Variants in KLC4 observed in about 807,000 individuals in gnomAD.
The protein encoded by KLC4 is kinesin-like protein 8.
A neutral mutation model predicts 77.2 loss-of-function variants in KLC4; 49 were observed. That is an observed-to-expected ratio of 0.63 (90% CI 0.50 to 0.80). The LOEUF is 0.80. Among genes scored for constraint, KLC4 ranks in the 30% least tolerant of loss-of-function variants. The pLI, the probability that KLC4 is intolerant of heterozygous loss-of-function variation, is 0.00. For missense variants in KLC4, 669 were observed against 793.5 expected (o/e 0.84, Z 1.89); for synonymous variants, 274 against 314.5 (o/e 0.87, Z 1.36).
chr6:43,074,695 T>G lies in KLC4; in HGVS notation c.*23T>G. The G allele has an allele frequency of 6.2e-7, 1 of 1,607,832 alleles. No individual in the cohort carries two copies. ...TGACATTCAACCCGGCCCCCAGGTCTGCTGGGTCCCCCCACCCCCACAGCC... is the reference window on the plus strand; with the variant it reads ...TGACATTCAACCCGGCCCCCAGGTCGGCTGGGTCCCCCCACCCCCACAGCC... On this transcript the variant is annotated 3_prime_UTR_variant, in exon 16 of 16. Transcript: ENST00000347162.
intron 3 of KLC4, among the ~76,000 whole-genome samples, chr6:43,064,686 A>T (rs976344219): frequency 6.6e-6 from 1 of 152,210 alleles, no homozygotes; most frequent in Non-Finnish European, 1.5e-5. Flanking sequence ...GGTGTCATTG[A>T]TAAGGCTTAC....
At chr6:43,060,022 A>C in intron 1 of KLC4, 3 of 1,416,172 alleles carry the variant, frequency 2.1e-6, no homozygotes, top group Non-Finnish European at 9.2e-7. Context: ...GGGCAGGTCG[A>C]CAGCCCGAGG....
rs1030749077 is a variant in KLC4, at chr6:43,072,389, G to C, written c.1488+134G>C. ...CCAGGAGGGAGAGGAAAGTGAGGCA[G>C]TGTTGTGATTGTGGTTGTTTTTAAG... On this transcript the variant is annotated intron_variant, in intron 12 of 15. Transcript: ENST00000347162. 13 of 669,802 alleles carry C rather than the reference G, an allele frequency of 1.9e-5. No homozygotes were observed. The East Asian group carries it at 3.3e-4, about 17-fold the overall frequency. 41.5% of individuals were successfully genotyped at this position (669,802 alleles called of 1,614,324 possible).
chr6:43,061,210 T>TA, intron 1 of KLC4, 101 bp from the exon 2 acceptor site: 1 of 1,266,390 alleles, frequency 7.9e-7, no homozygotes, highest in South Asian at 1.4e-5. Flanking sequence ...GGGTCACTCT[T>TA]ACTTTTGTCC....
In KLC4 at chr6:43,066,365, T is replaced by C. The variant is rs949456426; in HGVS notation, c.631T>C (p.Leu211=). ...QQGGYEIPAR[L]RTLHNLVIQY... is the part of the protein sequence containing the mutation. ...GGGTGGATATGAGATCCCAGCAAGG[T>C]TGCGGACGTTGCACAACCTGGTGAT... is the stretch of plus-strand genomic sequence containing the variant. Residue 211 remains leucine, a synonymous_variant, in exon 5 of 16, where the codon TTG becomes CTG. Transcript: ENST00000347162. 3.7e-6 allele frequency: 6 copies of C among 1,614,010 alleles called. No individual in the cohort carries two copies. The highest frequency in any genetic ancestry group is 1.7e-5 in the Admixed American group (1 of 59,994).
intron 6 of KLC4, among the ~76,000 whole-genome samples, chr6:43,068,332 C>T (rs1230106534): frequency 1.3e-5 from 2 of 149,812 alleles, no homozygotes; most frequent in East Asian, 2.0e-4. Flanking sequence ...ATTAGCCGGG[C>T]GTGGTGGGGG....
intron 2 of KLC4, 110 bp from the exon 3 acceptor site, chr6:43,062,807 T>C: frequency 2.5e-6 from 2 of 802,504 alleles, no homozygotes; most frequent in South Asian, 3.2e-5. Context: ...CCCCACCTTC[T>C]GGCTCCTCTG....
intron 1 of KLC4, chr6:43,059,994 T>A: frequency 2.2e-6 from 3 of 1,340,728 alleles, no homozygotes; most frequent in African/African-American, 1.5e-5. Context: ...CATCTCACTC[T>A]CCCAACCCTG....
chr6:43,061,005 A>T, intron 1 of KLC4: 1 of 335,438 alleles, frequency 3.0e-6, no homozygotes, highest in Admixed American at 4.5e-5. Flanking sequence ...TTCCTAACTC[A>T]GGCTGTAACT....
chr6:43,074,708 C>G lies in KLC4; in HGVS notation c.*36C>G. 1 of 1,571,584 alleles carries G rather than the reference C, an allele frequency of 6.4e-7. No homozygotes were observed. The highest frequency in any genetic ancestry group is 8.8e-7 in the Non-Finnish European group (1 of 1,141,080). On this transcript the variant is annotated 3_prime_UTR_variant, in exon 16 of 16. Coordinates refer to ENST00000347162, the MANE Select transcript of KLC4 (RefSeq NM_201521.3). ...GGCCCCCAGGTCTGCTGGGTCCCCC[C>G]ACCCCCACAGCCCTCACAGCATTCC...
intron 5 of KLC4, 25 bp from the exon 6 acceptor site, chr6:43,066,971 T>A: frequency 6.2e-7 from 1 of 1,604,368 alleles, no homozygotes; most frequent in Non-Finnish European, 8.5e-7. Flanking sequence ...TCAGGGTAAC[T>A]CCTGTCACTT....
chr6:43,073,442 G>C (rs1472218466), intron 14 of KLC4, 104 bp downstream of exon 14: 1 of 719,158 alleles, frequency 1.4e-6, no homozygotes, highest in Non-Finnish European at 2.3e-6. Context: ...CCTGAGGTCA[G>C]GAGTTTGAGA....
intron 6 of KLC4, 51 bp downstream of exon 6, chr6:43,067,134 C>T (rs1270153496): frequency 1.1e-6 from 1 of 941,100 alleles, no homozygotes; most frequent in Admixed American, 2.0e-5. Flanking sequence ...CCCACCATTG[C>T]TGTTTTGGCC....
chr6:43,061,442 T>A lies in KLC4; in HGVS notation c.107T>A (p.Leu36Gln), dbSNP rs148951611. 7.3e-5 allele frequency: 118 copies of A among 1,614,086 alleles called. No individual in the cohort carries two copies. Among genetic ancestry groups the A allele is most frequent in the Non-Finnish European group, 9.3e-5 (110 of 1,180,038 alleles). ...TRLVSQGLEA[L>Q]RSEHQAVLQS... ...CTGGTCAGCCAAGGGCTAGAGGCCCTACGCAGTGAACACCAGGCCGTGCTG... is the reference window on the plus strand; with the variant it reads ...CTGGTCAGCCAAGGGCTAGAGGCCCAACGCAGTGAACACCAGGCCGTGCTG... The change falls in exon 2 of 16, where the codon CTA (leucine) becomes CAA (glutamine). Residue 36 changes from leucine (L) to glutamine (Q), a missense_variant. Physicochemically the swap from Leu to Gln is moderately radical, Grantham distance 113. Transcript: ENST00000347162.
chr6:43,062,573 A>T (rs1189245493), intron 2 of KLC4: 2 of 291,988 alleles, frequency 6.8e-6, no homozygotes, highest in Admixed American at 4.7e-5. Flanking sequence ...GATGGAAACT[A>T]TTGGAATGTT....
chr6:43,066,080 T>C (rs1322673098), intron 4 of KLC4, among the ~76,000 whole-genome samples: 4 of 152,226 alleles, frequency 2.6e-5, no homozygotes, highest in African/African-American at 9.7e-5. Context: ...TTCATACTTA[T>C]TAAATAAATG....
chr6:43,074,821 A>G lies in KLC4; in HGVS notation c.*149A>G. 3 of 681,200 alleles carry G rather than the reference A, an allele frequency of 4.4e-6. No individual in the cohort carries two copies. Among genetic ancestry groups the G allele is most frequent in the South Asian group, 3.3e-5 (2 of 60,208 alleles). The allele number at this position is 681,200 out of a possible 1,614,324, so 42.2% of individuals were successfully genotyped here. A position where few individuals can be genotyped will look rare whatever the true frequency, so the allele number is the denominator to read the frequency against. ...AGATTGCTGCTGCCCTTAGGGTCTC[A>G]GCTCCCTCCTCAGGAATCCCTCTTA... On this transcript the variant is annotated 3_prime_UTR_variant, in exon 16 of 16. Transcript: ENST00000347162.
chr6:43,065,462 T>C (rs1765372782), intron 3 of KLC4, 158 bp from the exon 4 acceptor site: 1 of 565,700 alleles, frequency 1.8e-6, no homozygotes. Context: ...AGGCCTGAGC[T>C]TGGCTGGGCC....
intron 14 of KLC4, 42 bp from the exon 15 acceptor site, chr6:43,073,860 G>A (rs1319848441): frequency 6.3e-7 from 1 of 1,590,094 alleles, no homozygotes; most frequent in East Asian, 2.2e-5. Flanking sequence ...GGCCACTCAG[G>A]AGGAAGAGAG....
Sources: gnomAD v4.1 joint callset for allele counts (sites outside exome capture counted in the v4.1 genomes callset) on GRCh38, gnomAD v4.1.1 for gene constraint, MANE v1.5 for transcripts, NCBI Gene and HGNC (gene_info 2026-07-23, HGNC 2026-07-21) for gene names.